The following DPP6 variants were observed in gnomAD, a reference collection of about 807,000 sequenced individuals.
The protein encoded by DPP6 is dipeptidyl peptidase like 6.
In DPP6, 69 loss-of-function variants were observed where a neutral mutation model predicts 122.6. The ratio of observed to expected loss-of-function variants is 0.56; its 90% CI spans 0.46 to 0.69. The LOEUF is 0.69. Among genes scored for constraint, DPP6 ranks in the 30% least tolerant of loss-of-function variants. The pLI, the probability that DPP6 is intolerant of heterozygous loss-of-function variation, is 0.00. For synonymous variants in DPP6, 418 were observed against 433.1 expected, an observed-to-expected ratio of 0.97 and a Z score of 0.43; for missense variants, 928 against 1,116.9, an observed-to-expected ratio of 0.83 and a Z score of 2.41.
At chr7:154,487,401 G>C (rs1378988948) in intron 3 of DPP6, among the ~76,000 whole-genome samples, 1 of 152,118 alleles carries the variant, frequency 6.6e-6, no homozygotes, top group Non-Finnish European at 1.5e-5. Context: ...GACAGGATAC[G>C]CCGTGCAGCG....
intron 3 of DPP6, among the ~76,000 whole-genome samples, chr7:154,479,323 C>T (rs1057195978): frequency 1.3e-5 from 2 of 151,958 alleles, no homozygotes; most frequent in African/African-American, 4.8e-5. Context: ...TTTGGGAGGC[C>T]AAGGTGGGTG....
intron 1 of DPP6, among the ~76,000 whole-genome samples, chr7:153,924,197 C>A (rs1253486116): frequency 1.3e-5 from 2 of 152,036 alleles, no homozygotes; most frequent in African/African-American, 4.8e-5. Flanking sequence ...TGATCTCCGC[C>A]TCCTGAGTTC....
intron 1 of DPP6, among the ~76,000 whole-genome samples, chr7:154,381,047 TGGGCGTGG>T (rs1363521437): frequency 6.6e-6 from 1 of 152,184 alleles, no homozygotes; most frequent in Non-Finnish European, 1.5e-5. Context: ...CATCCTGCCC[TGGGCGTGG>T]GGCTTCTCTG....
intron 5 of DPP6, among the ~76,000 whole-genome samples, chr7:154,633,597 G>T (rs903303607): frequency 6.6e-6 from 1 of 152,176 alleles, no homozygotes; most frequent in Non-Finnish European, 1.5e-5. Flanking sequence ...AAAAGAAAAA[G>T]ACTTTATCTC....
At chr7:153,823,474 G>T in the DPP6 span, among the ~76,000 whole-genome samples, 34 of 149,878 alleles carry the variant, frequency 2.3e-4, no homozygotes, top group African/African-American at 7.6e-4. Flanking sequence ...GGGTCTGGCC[G>T]CTGCCCTCTG....
chr7:153,989,192 A>G (rs1797012123), intron 1 of DPP6, among the ~76,000 whole-genome samples: 1 of 131,126 alleles, frequency 7.6e-6, no homozygotes, highest in Non-Finnish European at 1.6e-5. Context: ...TGTGAGTGTG[A>G]GTGGGTGGGT....
chr7:154,707,372 A>AT (rs1052974860), intron 7 of DPP6, among the ~76,000 whole-genome samples: 20 of 152,122 alleles, frequency 1.3e-4, no homozygotes, highest in Admixed American at 2.0e-4. Flanking sequence ...CAGTTAAATG[A>AT]TTTTTTTTGC....
chr7:154,047,398 C>T (rs1219045959), upstream of DPP6, among the ~76,000 whole-genome samples: 3 of 150,000 alleles, frequency 2.0e-5, no homozygotes, highest in South Asian at 2.1e-4. Context: ...AAGGGCAAGG[C>T]GCTCTAGGGG....
the DPP6 span, among the ~76,000 whole-genome samples, chr7:153,791,253 T>A: frequency 6.6e-6 from 1 of 152,158 alleles, no homozygotes; most frequent in Non-Finnish European, 1.5e-5. Context: ...CCTGAGAGCG[T>A]TCCATGCAAT....
intron 1 of DPP6, among the ~76,000 whole-genome samples, chr7:154,168,161 G>A (rs1025878548): frequency 1.3e-5 from 2 of 152,196 alleles, no homozygotes; most frequent in African/African-American, 4.8e-5. Context: ...AGGTTGTGGA[G>A]TCAACAGAAA....
intron 18 of DPP6, among the ~76,000 whole-genome samples, chr7:154,869,135 G>A (rs896909225): frequency 3.3e-5 from 5 of 152,174 alleles, no homozygotes; most frequent in African/African-American, 1.2e-4. Context: ...AAAGGGCAGG[G>A]GGAGGAGCCA....
chr7:154,371,970 G>A (rs921765031), intron 1 of DPP6, among the ~76,000 whole-genome samples: 4 of 152,084 alleles, frequency 2.6e-5, no homozygotes, highest in African/African-American at 9.7e-5. Flanking sequence ...GTTATCAAGG[G>A]CCGTCCCTGA....
intron 1 of DPP6, among the ~76,000 whole-genome samples, chr7:154,377,626 C>A (rs538331860): frequency 1.3e-5 from 2 of 152,204 alleles, no homozygotes; most frequent in African/African-American, 2.4e-5. Context: ...GCTGTTTCCC[C>A]CTTCGCTCTC....
At chr7:154,229,723 T>G (rs1800809043) in intron 1 of DPP6, among the ~76,000 whole-genome samples, 3 of 152,198 alleles carry the variant, frequency 2.0e-5, no homozygotes, top group Admixed American at 2.0e-4. Flanking sequence ...TCACCATAAA[T>G]TTGATGTTTG....
chr7:154,885,744 G>C lies in DPP6; in HGVS notation c.2245G>C (p.Ala749Pro), dbSNP rs1419646945. ...LSPITDFKLY[A>P]SAFSERYLGL... ...TCCAATAACAGACTTCAAACTCTAT[G>C]GTAAATAGCCCTGCAGGACCAAGCG... Residue 749 changes from alanine (A) to proline (P), a missense_variant and splice_region_variant, in exon 22 of 26, where the codon GCC becomes CCC. Transcript: ENST00000377770. The C allele has an allele frequency of 6.3e-7, 1 of 1,587,144 alleles. No homozygotes were observed. Among genetic ancestry groups the C allele is most frequent in the Non-Finnish European group, 8.6e-7 (1 of 1,166,718 alleles).
At chr7:153,934,516 G>T (rs1174501878) in intron 1 of DPP6, among the ~76,000 whole-genome samples, 1 of 152,036 alleles carries the variant, frequency 6.6e-6, no homozygotes, top group African/African-American at 2.4e-5. Flanking sequence ...ATAACTTCTG[G>T]AAGCTCATTA....
chr7:154,356,491 C>A (rs1811276104), intron 1 of DPP6, among the ~76,000 whole-genome samples: 1 of 152,004 alleles, frequency 6.6e-6, no homozygotes, highest in Non-Finnish European at 1.5e-5. Context: ...TGGCTTGAGG[C>A]CAGGAGTTTG....
intron 17 of DPP6, among the ~76,000 whole-genome samples, chr7:154,859,610 T>A (rs1209412415): frequency 3.3e-5 from 5 of 152,236 alleles, no homozygotes; most frequent in Non-Finnish European, 7.3e-5. Context: ...TTAGAAAATC[T>A]TATCTACAAA....
chr7:154,205,780 AAAAATTAAT>A (rs1380087269), intron 1 of DPP6, among the ~76,000 whole-genome samples: 3 of 151,150 alleles, frequency 2.0e-5, no homozygotes, highest in South Asian at 2.1e-4. Context: ...AAAAAAAAAA[AAAAATTAAT>A]TAATTAATTA....
Sources: gnomAD v4.1 joint callset for allele counts (sites outside exome capture counted in the v4.1 genomes callset) on GRCh38, gnomAD v4.1.1 for gene constraint, MANE v1.5 for transcripts, NCBI Gene and HGNC (gene_info 2026-07-23, HGNC 2026-07-21) for gene names.